TFCP2L1: variants seen among roughly 807,000 people sequenced by gnomAD.
The protein encoded by TFCP2L1 is transcription factor CP2-like protein 1.
Under a neutral mutation model 72.2 loss-of-function variants are expected in TFCP2L1, and 12 were observed. The observed-to-expected ratio is 0.17, with a 90% CI of 0.11 to 0.27. TFCP2L1 has a LOEUF of 0.27. Ranked by LOEUF, TFCP2L1 falls within the 10% of genes least tolerant of loss-of-function variation. TFCP2L1 has a pLI of 1.00. For synonymous variants in TFCP2L1, 260 were observed against 251.0 expected (o/e 1.04, Z -0.34); for missense variants, 488 against 624.6 (o/e 0.78, Z 2.33).
rs140736460 is a variant in TFCP2L1 at position 121,285,183 on chromosome 2, C to T, written c.-74G>A. The T allele has an allele frequency of 0.029, 36,736 of 1,287,260 alleles. 718 individuals are homozygous for T. The highest frequency in any genetic ancestry group is 0.084 in the African/African-American group (5,368 of 63,960). 79.7% of individuals were successfully genotyped at this position (1,287,260 alleles called of 1,614,324 possible). A position where few individuals can be genotyped will look rare whatever the true frequency, so the allele number is the denominator to read the frequency against. On this transcript the variant is annotated 5_prime_UTR_variant, in exon 1 of 15. Coordinates refer to ENST00000263707, the MANE Select transcript of TFCP2L1 (RefSeq NM_014553.3). ...GCGGGGCGCGCCGAGGACCCAGCGG[C>T]GGCTTCGCGCTCCGAACCCGCGGTG...
chr2:121,284,764 G>T (rs1232010895), intron 1 of TFCP2L1, among the ~76,000 whole-genome samples: 6 of 152,204 alleles, frequency 3.9e-5, no homozygotes, highest in Non-Finnish European at 7.4e-5. Context: ...GGGCCGGCAG[G>T]TGCGCGCCCT....
chr2:121,248,979 C>T lies in TFCP2L1; in HGVS notation c.397+3G>A. The T allele has an allele frequency of 6.3e-7, 1 of 1,585,916 alleles. No homozygotes were observed. ...CCTGGCCTCTCCTGGCCAGGAGACTCACCGATGTCCAGGATCCGGTCCCCT... is the reference window on the plus strand; with the variant it reads ...CCTGGCCTCTCCTGGCCAGGAGACTTACCGATGTCCAGGATCCGGTCCCCT... On this transcript the variant is annotated splice_donor_region_variant and intron_variant, in intron 4 of 14. Transcript: ENST00000263707.
chr2:121,255,508 T>A (rs965543072), intron 2 of TFCP2L1, among the ~76,000 whole-genome samples: 9 of 152,146 alleles, frequency 5.9e-5, no homozygotes, highest in Admixed American at 1.3e-4. Context: ...CACTCGATAA[T>A]CCTGTAAGAA....
chr2:121,230,406 A>G (rs956042643), intron 13 of TFCP2L1, among the ~76,000 whole-genome samples: 2 of 152,052 alleles, frequency 1.3e-5, no homozygotes, highest in Non-Finnish European at 2.9e-5. Flanking sequence ...TTCTGACCTC[A>G]GGTGATCCGC....
Position 121,237,846 on chromosome 2 carries a change from C to G in TFCP2L1, c.865G>C (p.Ala289Pro). 6.2e-7 allele frequency: 1 copy of G among 1,614,032 alleles called. No individual in the cohort carries two copies. Among genetic ancestry groups the G allele is most frequent in the Non-Finnish European group, 8.5e-7 (1 of 1,179,982 alleles). The change falls in exon 9 of 15, where the codon GCC (alanine) becomes CCC (proline). Residue 289 changes from alanine to proline, a missense_variant. Physicochemically the swap from Ala to Pro is conservative, Grantham distance 27 (BLOSUM62 -1). This residue lies in a region of TFCP2L1 where 286 missense variants were observed against 329.0 expected (regional missense o/e 0.87). Coordinates refer to ENST00000263707, the MANE Select transcript of TFCP2L1 (RefSeq NM_014553.3). ...PNSFGLGEGN[A>P]SPTHPVEALP... Reference sequence around the variant, plus strand: ...GCCTCCACCGGGTGGGTCGGAGAGGCGTTGCTGCAAGGAAAAGGAACCAGT... The same window carrying G: ...GCCTCCACCGGGTGGGTCGGAGAGGGGTTGCTGCAAGGAAAAGGAACCAGT...
chr2:121,266,881 CATTATTTA>C (rs1686942637), intron 2 of TFCP2L1, among the ~76,000 whole-genome samples: 4 of 129,778 alleles, frequency 3.1e-5, no homozygotes, highest in Admixed American at 8.2e-5. Context: ...TTATTTTTTT[CATTATTTA>C]TTTATTTATT....
chr2:121,271,925 G>A (rs979669200), intron 2 of TFCP2L1, among the ~76,000 whole-genome samples: 2 of 152,070 alleles, frequency 1.3e-5, no homozygotes, highest in African/African-American at 4.8e-5. Flanking sequence ...AACTGATAAT[G>A]GACGTTTTTT....
chr2:121,278,389 T>TA (rs528443623), intron 2 of TFCP2L1, among the ~76,000 whole-genome samples: 2 of 148,730 alleles, frequency 1.3e-5, no homozygotes, highest in Admixed American at 1.3e-4. Flanking sequence ...AAACTCTTTT[T>TA]AAAAAAACCT....
intron 2 of TFCP2L1, among the ~76,000 whole-genome samples, chr2:121,272,988 G>C (rs902169845): frequency 6.6e-6 from 1 of 152,052 alleles, no homozygotes; most frequent in African/African-American, 2.4e-5. Context: ...TCATCATCCT[G>C]AACTGCTTAG....
chr2:121,258,685 T>G (rs561818578), intron 2 of TFCP2L1, among the ~76,000 whole-genome samples: 1 of 152,198 alleles, frequency 6.6e-6, no homozygotes, highest in South Asian at 2.1e-4. Context: ...ATCGACATCA[T>G]GAAAAATGAG....
At position 121,244,807 on chromosome 2, in the gene TFCP2L1, C is replaced by T. The variant is rs904259964; in HGVS notation, c.657+2011G>A. Among the ~76,000 whole-genome samples the T allele has an allele frequency of 5.3e-5, 8 of 152,296 alleles. No homozygotes were observed. The South Asian group carries it at 8.3e-4, about 16-fold the overall frequency. On this transcript the variant is annotated intron_variant, in intron 6 of 14. Coordinates refer to ENST00000263707, the MANE Select transcript of TFCP2L1 (RefSeq NM_014553.3). ...GGGGCCAAGGCTGGCAGAGCAGAGA[C>T]GCGGTCTGTACATGAGGGGAGGTGG...
chr2:121,285,082 G>A lies in TFCP2L1; in HGVS notation c.28C>T (p.His10Tyr), dbSNP rs868636591. The A allele has an allele frequency of 6.6e-7, 1 of 1,524,910 alleles. No individual in the cohort carries two copies. The highest frequency in any genetic ancestry group is 8.8e-7 in the Non-Finnish European group (1 of 1,138,712). 94.5% of individuals were successfully genotyped at this position (1,524,910 alleles called of 1,614,324 possible). MLFWHTQPE[H>Y]YNQHNSGSYL... ...CTGCCGGAGTTGTGCTGGTTGTAGT[G>A]CTCGGGCTGCGTGTGCCAGAAGAGC... Residue 10 changes from histidine to tyrosine, a missense_variant, in exon 1 of 15, where the codon CAC becomes TAC. His to Tyr is a moderately conservative substitution (Grantham distance 83). Around this residue, in one of 3 missense-constraint regions of TFCP2L1, gnomAD observed 73 missense variants for 59.7 expected, o/e 1.22. Transcript: ENST00000263707.
intron 7 of TFCP2L1, chr2:121,240,272 T>A (rs1686342237): frequency 4.1e-6 from 4 of 985,102 alleles, no homozygotes; most frequent in Non-Finnish European, 4.8e-6. Context: ...TCGAAAACAT[T>A]CTACTATGGA....
chr2:121,219,801 G>C lies in TFCP2L1; in HGVS notation c.*4540C>G, dbSNP rs944850183. The stretch of plus-strand genomic sequence containing the variant: ...TACGATTTTGATGGAGGGAAAAATG[G>C]GAAAACCCCTCAGATTCATTTCATG... On this transcript the variant is annotated 3_prime_UTR_variant, in exon 15 of 15. Coordinates refer to ENST00000263707, the MANE Select transcript of TFCP2L1 (RefSeq NM_014553.3). 1 of 152,150 alleles carries C rather than the reference G, an allele frequency of 6.6e-6. No individual in the cohort carries two copies. The highest frequency in any genetic ancestry group is 1.5e-5 in the Non-Finnish European group (1 of 68,032). 9.4% of individuals were successfully genotyped at this position (152,150 alleles called of 1,614,324 possible).
intron 2 of TFCP2L1, among the ~76,000 whole-genome samples, chr2:121,279,142 TC>T (rs1301671104): frequency 2.6e-5 from 4 of 152,116 alleles, no homozygotes; most frequent in Admixed American, 6.5e-5. Flanking sequence ...TTGGACCCAC[TC>T]TTCAGCACCA....
intron 13 of TFCP2L1, among the ~76,000 whole-genome samples, chr2:121,231,010 AATCCCTGGGTTCCCACC>A: frequency 6.6e-6 from 1 of 152,202 alleles, no homozygotes; most frequent in Non-Finnish European, 1.5e-5. Flanking sequence ...CTGCAGCTCC[AATCCCTGGGTTCCCACC>A]ATAGCTCCAC....
chr2:121,227,720 T>TACAC (rs144192362), intron 13 of TFCP2L1, among the ~76,000 whole-genome samples: 3,798 of 147,280 alleles, frequency 0.026, 57 homozygotes, highest in Middle Eastern at 0.058. Context: ...AAACATACAA[T>TACAC]ACACACACAC....
intron 2 of TFCP2L1, among the ~76,000 whole-genome samples, chr2:121,268,126 A>G (rs896009514): frequency 3.9e-5 from 6 of 152,214 alleles, no homozygotes; most frequent in African/African-American, 1.4e-4. Flanking sequence ...AAACAAACAA[A>G]AAAACAATAA....
intron 2 of TFCP2L1, among the ~76,000 whole-genome samples, chr2:121,263,907 C>A (rs1686878659): frequency 6.6e-6 from 1 of 152,126 alleles, no homozygotes; most frequent in Non-Finnish European, 1.5e-5. Flanking sequence ...AAATTCTGAA[C>A]CAAGTAAATG....
Sources: allele counts gnomAD v4.1 joint callset (sites outside exome capture counted in the v4.1 genomes callset), GRCh38; gene constraint gnomAD v4.1.1; regional missense constraint gnomAD v4.1.1; transcripts MANE v1.5; gene names NCBI Gene and HGNC (gene_info 2026-07-23, HGNC 2026-07-21).